PROSER3: variants seen among roughly 807,000 people sequenced by gnomAD.
PROSER3 encodes the protein proline and serine rich 3, also known as proline and serine-rich protein 3.
Under a neutral mutation model 50.2 loss-of-function variants are expected in PROSER3, and 33 were observed. The ratio of observed to expected loss-of-function variants is 0.66; its 90% CI spans 0.50 to 0.88. The LOEUF is 0.88. Among genes scored for constraint, PROSER3 ranks in the 40% least tolerant of loss-of-function variants. The pLI is 0.00. For missense variants in PROSER3, 623 were observed against 612.7 expected, an observed-to-expected ratio of 1.02 and a Z score of -0.18; for synonymous variants, 266 against 259.3, an observed-to-expected ratio of 1.03 and a Z score of -0.25.
intron 5 of PROSER3, among the ~76,000 whole-genome samples, chr19:35,763,673 T>G (rs566955784): frequency 6.6e-6 from 1 of 150,920 alleles, no homozygotes; most frequent in East Asian, 2.0e-4. Flanking sequence ...CCGGCTAATT[T>G]TTTTTTGTAT....
chr19:35,761,888 AG>A, intron 3 of PROSER3, 130 bp from the exon 4 acceptor site: 1 of 1,143,728 alleles, frequency 8.7e-7, no homozygotes, highest in Non-Finnish European at 1.2e-6. Context: ...TATATAAGAA[AG>A]AAAAGCAGAT....
At chr19:35,759,041 A>G in intron 1 of PROSER3, 1 of 227,656 alleles carries the variant, frequency 4.4e-6, no homozygotes, top group East Asian at 1.1e-4. Flanking sequence ...ACGGAGGCCC[A>G]GCCCCACTAA....
chr19:35,763,972 G>A (rs1365213702), intron 5 of PROSER3, among the ~76,000 whole-genome samples: 1 of 151,606 alleles, frequency 6.6e-6, no homozygotes, highest in Non-Finnish European at 1.5e-5. Context: ...TTTTTTTGTA[G>A]AGATGGGATC....
chr19:35,766,795 C>A (rs561714867), exon 8 of PROSER3: 3 of 1,550,772 alleles, frequency 1.9e-6, no homozygotes, highest in Admixed American at 2.0e-5. Context: ...CAGGCCCAGA[C>A]CCCCACCCCT....
exon 4 of PROSER3, chr19:35,762,034 C>A: frequency 6.2e-7 from 1 of 1,608,396 alleles, no homozygotes; most frequent in South Asian, 1.1e-5. Flanking sequence ...TAAACAGGTT[C>A]CGCCAGGCTC....
At position 35,762,002 on chromosome 19, in the gene PROSER3, T is replaced by A; in HGVS notation, c.312-17T>A. The A allele has an allele frequency of 1.3e-6, 2 of 1,577,212 alleles. No homozygotes were observed. Among genetic ancestry groups the A allele is most frequent in the Non-Finnish European group, 1.7e-6 (2 of 1,154,990 alleles). The stretch of plus-strand genomic sequence containing the variant: ...CTCTCCTCACTCCACTCACCTCCTA[T>A]CCCCTGATGTTCACAGGTATATAAA... On this transcript the variant is annotated splice_polypyrimidine_tract_variant and intron_variant, in intron 3 of 10. Transcript: ENST00000396908.
rs570761310 is a variant in PROSER3 at position 35,759,188 on chromosome 19, G to A, written c.12-186G>A. ...TGCTCCCTGTTAAGACTGCTCCAGG[G>A]GCGGGCTCCCAGGACTCACCCTTCC... On this transcript the variant is annotated intron_variant, in intron 1 of 10. Transcript: ENST00000396908. 3.6e-4 allele frequency: 209 copies of A among 585,776 alleles called. 2 individuals are homozygous for A. The South Asian group carries it at 4.2e-3, about 12-fold the overall frequency. The allele number at this position is 585,776 out of a possible 1,614,324, so 36.3% of individuals were successfully genotyped here.
exon 8 of PROSER3, chr19:35,766,842 C>A: frequency 2.6e-6 from 4 of 1,551,678 alleles, no homozygotes; most frequent in Non-Finnish European, 3.5e-6. Context: ...ACCCCTTCGG[C>A]CAGAGGATGA....
exon 11 of PROSER3, chr19:35,768,578 CTTTT>C: frequency 1.5e-6 from 2 of 1,301,166 alleles, no homozygotes; most frequent in Non-Finnish European, 1.0e-6. Flanking sequence ...CAGTGAGGCT[CTTTT>C]TTTTTTTTTC....
At chr19:35,764,429 G>T (rs1865567936) in intron 5 of PROSER3, among the ~76,000 whole-genome samples, 1 of 152,084 alleles carries the variant, frequency 6.6e-6, no homozygotes, top group African/African-American at 2.4e-5. Context: ...GACTGAGGTG[G>T]GCGGATCACC....
intron 3 of PROSER3, among the ~76,000 whole-genome samples, chr19:35,761,600 G>A (rs1378755929): frequency 6.6e-6 from 1 of 152,154 alleles, no homozygotes; most frequent in African/African-American, 2.4e-5. Flanking sequence ...GGCAGAGGTT[G>A]CAGTGAGCCA....
Position 35,759,810 on chromosome 19 carries a change from C to T in PROSER3, c.130C>T (p.Gln44Ter). 1 of 1,566,372 alleles carries T rather than the reference C, an allele frequency of 6.4e-7. No homozygotes were observed. The highest frequency in any genetic ancestry group is 2.4e-5 in the East Asian group (1 of 41,752). Reference sequence around the variant, plus strand: ...TTAGACCCTGAGCCCATCCAGGTCTCAGAGATCCAGGCTCCCACAAGCTCC... The same window carrying T: ...TTAGACCCTGAGCCCATCCAGGTCTTAGAGATCCAGGCTCCCACAAGCTCC... Residue 44 changes from glutamine (Q) to a stop codon, truncating the protein, a stop_gained, in exon 3 of 11, where the codon CAG becomes TAG. Transcript: ENST00000396908. LOFTEE classifies it high-confidence loss of function.
chr19:35,765,130 G>C lies in PROSER3; in HGVS notation c.723G>C (p.Glu241Asp), dbSNP rs1386010565. Residue 241 changes from glutamate to aspartate, a missense_variant, in exon 7 of 11, where the codon GAG becomes GAC. Glu to Asp is a conservative substitution (Grantham distance 45, BLOSUM62 2). Around this residue, in one of 3 missense-constraint regions of PROSER3, gnomAD observed 380 missense variants for 346.8 expected, o/e 1.10. Transcript: ENST00000396908. ...CTGATGGCCTCTCTCCCTTCTCGGA[G>C]ACCTTCATCCCTGACTCCAGCAAGG... The C allele has an allele frequency of 1.2e-6, 2 of 1,613,832 alleles. No homozygotes were observed. The highest frequency in any genetic ancestry group is 4.5e-5 in the East Asian group (2 of 44,882).
chr19:35,760,015 A>G, intron 3 of PROSER3, 24 bp downstream of exon 3: 5 of 1,530,522 alleles, frequency 3.3e-6, no homozygotes, highest in Non-Finnish European at 3.5e-6. Context: ...GCCCTGGGGG[A>G]AAAAGAGGCT....
At chr19:35,762,087 C>T in exon 4 of PROSER3, 2 of 1,611,594 alleles carry the variant, frequency 1.2e-6, no homozygotes, top group East Asian at 2.2e-5. Context: ...GGCCCAACCC[C>T]AGCTGACTTT....
chr19:35,764,488 C>G (rs1971070221), intron 5 of PROSER3, among the ~76,000 whole-genome samples: 1 of 152,110 alleles, frequency 6.6e-6, no homozygotes, highest in African/African-American at 2.4e-5. Flanking sequence ...GAAGCCCTGT[C>G]TCTACTAAAA....
At chr19:35,761,505 C>T (rs148862477) in intron 3 of PROSER3, among the ~76,000 whole-genome samples, 265 of 152,136 alleles carry the variant, frequency 1.7e-3, no homozygotes, top group African/African-American at 6.2e-3. Flanking sequence ...AACTCCGTCT[C>T]TACCAAATTA....
exon 8 of PROSER3, chr19:35,766,907 G>C (rs1481510618): frequency 6.4e-7 from 1 of 1,554,026 alleles, no homozygotes; most frequent in African/African-American, 1.4e-5. Context: ...AGGGAAGCAA[G>C]GGTGACAGAG....
In PROSER3 at chr19:35,768,256, C is replaced by T; in HGVS notation, c.1301+20C>T. ...GAAAAGGTGACCGACCCTCCATCCC[C>T]AGAGTCTATGACACTGGGCCCCGGA... On this transcript the variant is annotated intron_variant, in intron 10 of 10. Coordinates refer to ENST00000396908, the Ensembl canonical transcript of PROSER3. 6.2e-7 allele frequency: 1 copy of T among 1,606,508 alleles called. No homozygotes were observed. Among genetic ancestry groups the T allele is most frequent in the Non-Finnish European group, 8.5e-7 (1 of 1,177,022 alleles).
Sources: gnomAD v4.1 joint callset for allele counts (sites outside exome capture counted in the v4.1 genomes callset) on GRCh38, gnomAD v4.1.1 for gene constraint, gnomAD v4.1.1 regional missense constraint, MANE v1.5 for transcripts, NCBI Gene and HGNC (gene_info 2026-07-23, HGNC 2026-07-21) for gene names.